Variants in TMCC1 observed in about 807,000 individuals in gnomAD.
The protein encoded by TMCC1 is transmembrane and coiled-coil domains protein 1.
Under a neutral mutation model 52.4 loss-of-function variants are expected in TMCC1, and 15 were observed. That is an observed-to-expected ratio of 0.29 (90% CI 0.19 to 0.44). The LOEUF is 0.44. Among genes scored for constraint, TMCC1 ranks in the 20% least tolerant of loss-of-function variants. TMCC1 has a pLI of 1.00. For synonymous variants in TMCC1, 279 were observed against 301.9 expected, an observed-to-expected ratio of 0.92 and a Z score of 0.79; for missense variants, 503 against 806.0, an observed-to-expected ratio of 0.62 and a Z score of 4.55.
At chr3:129,851,578 G>A (rs1708948) in intron 2 of TMCC1, among the ~76,000 whole-genome samples, 150,027 of 152,374 alleles carry the variant, frequency 0.98, 73,907 homozygotes, top group East Asian at 1. Flanking sequence ...TATCAGGAAA[G>A]CAGAAAGTTT....
intron 4 of TMCC1, among the ~76,000 whole-genome samples, chr3:129,812,130 TCAGGAAATCAAGATCAGC>T (rs1357699991): frequency 2.6e-5 from 4 of 151,546 alleles, no homozygotes; most frequent in Admixed American, 6.6e-5. Flanking sequence ...TCACCTGAGA[TCAGGAAATCAAGATCAGC>T]CTGGCCAACA....
At chr3:129,766,610 GGTTTT>G (rs996164784) in intron 4 of TMCC1, among the ~76,000 whole-genome samples, 1 of 151,914 alleles carries the variant, frequency 6.6e-6, no homozygotes, top group African/African-American at 2.4e-5. Context: ...AAATCTTATG[GGTTTT>G]GTTTTGTTTT....
At chr3:129,874,460 C>G (rs746331915) in intron 2 of TMCC1, among the ~76,000 whole-genome samples, 10 of 152,186 alleles carry the variant, frequency 6.6e-5, no homozygotes, top group Non-Finnish European at 1.3e-4. Context: ...GTAATCCCAG[C>G]ACTTTGAGAG....
chr3:129,721,965 T>C (rs1326633175), intron 4 of TMCC1, among the ~76,000 whole-genome samples: 1 of 152,254 alleles, frequency 6.6e-6, no homozygotes, highest in African/African-American at 2.4e-5. Context: ...TTTATGTATC[T>C]AGATTGTTAT....
intron 4 of TMCC1, among the ~76,000 whole-genome samples, chr3:129,723,404 T>G (rs1425136409): frequency 6.8e-6 from 1 of 147,678 alleles, no homozygotes; most frequent in Non-Finnish European, 1.5e-5. Context: ...ATCAAGAATT[T>G]TTTTTTTTTA....
chr3:129,748,778 A>T (rs971635465), intron 4 of TMCC1, among the ~76,000 whole-genome samples: 3 of 152,036 alleles, frequency 2.0e-5, no homozygotes, highest in African/African-American at 7.2e-5. Context: ...TGAGGCGGAC[A>T]GATCTCTTAA....
intron 4 of TMCC1, among the ~76,000 whole-genome samples, chr3:129,774,206 T>G (rs1408899832): frequency 1.3e-5 from 2 of 152,226 alleles, no homozygotes; most frequent in African/African-American, 2.4e-5. Context: ...ACATATACAC[T>G]GCTGGGTCAT....
intron 4 of TMCC1, among the ~76,000 whole-genome samples, chr3:129,768,544 A>C (rs2054305264): frequency 6.6e-6 from 1 of 152,076 alleles, no homozygotes; most frequent in Non-Finnish European, 1.5e-5. Context: ...CTCTGCCCTG[A>C]GAAACTTAAA....
intron 5 of TMCC1, among the ~76,000 whole-genome samples, chr3:129,658,393 C>T (rs2086806691): frequency 6.6e-6 from 1 of 152,176 alleles, no homozygotes. Flanking sequence ...CTTTGACTTA[C>T]GATGGGGTTA....
At chr3:129,835,648 GTATT>G (rs2059126212) in intron 2 of TMCC1, among the ~76,000 whole-genome samples, 1 of 152,126 alleles carries the variant, frequency 6.6e-6, no homozygotes, top group Non-Finnish European at 1.5e-5. Context: ...TTTAAAAAGT[GTATT>G]TATTTAAAAA....
Position 129,651,864 on chromosome 3 carries a change from TGG to T in TMCC1, c.1648-71_1648-70del. Reference sequence around the variant, plus strand: ...TATTCTGAGATGCTGACATGCCCCCTGGGCAAGCCAGATGCATCTTGAGCAAT... The same window carrying T: ...TATTCTGAGATGCTGACATGCCCCCTGCAAGCCAGATGCATCTTGAGCAAT... On this transcript the variant is annotated intron_variant, in intron 6 of 6. Coordinates refer to ENST00000393238, the MANE Select transcript of TMCC1 (RefSeq NM_001017395.5). This position sits in a 1 kb window ranked among gnomAD's most constrained non-coding sequence, Gnocchi z 5.1. The T allele has an allele frequency of 6.6e-7, 1 of 1,508,478 alleles. No individual in the cohort carries two copies. Among genetic ancestry groups the T allele is most frequent in the Non-Finnish European group, 8.9e-7 (1 of 1,125,886 alleles). 93.4% of individuals were successfully genotyped at this position (1,508,478 alleles called of 1,614,324 possible). A position where few individuals can be genotyped will look rare whatever the true frequency, so the allele number is the denominator to read the frequency against.
At chr3:129,721,947 A>G (rs2049644770) in intron 4 of TMCC1, among the ~76,000 whole-genome samples, 1 of 152,226 alleles carries the variant, frequency 6.6e-6, no homozygotes, top group Admixed American at 6.5e-5. Flanking sequence ...AACCCTATCT[A>G]TAGCAGTTTT....
At chr3:129,757,861 A>G (rs923037526) in intron 4 of TMCC1, among the ~76,000 whole-genome samples, 6 of 151,984 alleles carry the variant, frequency 3.9e-5, no homozygotes, top group Non-Finnish European at 7.4e-5. Context: ...AAAAGAAATC[A>G]TAACACTCAA....
At chr3:129,752,608 G>C (rs2052629158) in intron 4 of TMCC1, among the ~76,000 whole-genome samples, 1 of 152,086 alleles carries the variant, frequency 6.6e-6, no homozygotes, top group Admixed American at 6.6e-5. Context: ...AGAGGTTGCA[G>C]TGAGCCAAGA....
intron 2 of TMCC1, among the ~76,000 whole-genome samples, chr3:129,864,387 A>G (rs1264061550): frequency 6.6e-6 from 1 of 152,248 alleles, no homozygotes; most frequent in Non-Finnish European, 1.5e-5. Context: ...GAAACTAGAC[A>G]GTAACTTATC....
At chr3:129,834,350 G>C (rs1378851475) in intron 2 of TMCC1, among the ~76,000 whole-genome samples, 2 of 152,072 alleles carry the variant, frequency 1.3e-5, no homozygotes, top group Non-Finnish European at 2.9e-5. Flanking sequence ...AGTTAAAGAG[G>C]GCTTCAAATG....
chr3:129,664,937 G>A (rs2087336295), intron 5 of TMCC1, among the ~76,000 whole-genome samples: 1 of 152,190 alleles, frequency 6.6e-6, no homozygotes, highest in African/African-American at 2.4e-5. Context: ...GTTCTCAACT[G>A]TAAATAAGAT....
At chr3:129,664,799 C>A (rs535154741) in intron 5 of TMCC1, among the ~76,000 whole-genome samples, 1 of 152,294 alleles carries the variant, frequency 6.6e-6, no homozygotes, top group East Asian at 1.9e-4. Flanking sequence ...TTTTGGTAGC[C>A]TATTAATATA....
intron 4 of TMCC1, among the ~76,000 whole-genome samples, chr3:129,680,351 T>C (rs1342311505): frequency 2.6e-5 from 4 of 152,224 alleles, no homozygotes; most frequent in Non-Finnish European, 5.9e-5. Flanking sequence ...ATGCTTTGCT[T>C]ATATTAACTT....
Sources: gnomAD v4.1 joint callset for allele counts (sites outside exome capture counted in the v4.1 genomes callset) on GRCh38, gnomAD v4.1.1 for gene constraint, Gnocchi (gnomAD v3.1) non-coding constraint, MANE v1.5 for transcripts, NCBI Gene and HGNC (gene_info 2026-07-23, HGNC 2026-07-21) for gene names.